DLG2: variants seen among roughly 807,000 people sequenced by gnomAD.
The protein encoded by DLG2 is disks large homolog 2.
In DLG2, 45 loss-of-function variants were observed where a neutral mutation model predicts 132.5. That is an observed-to-expected ratio of 0.34 (90% CI 0.27 to 0.44). DLG2 has a LOEUF of 0.44. Among genes scored for constraint, DLG2 ranks in the 20% least tolerant of loss-of-function variants. The pLI is 1.00. For missense variants in DLG2, 1,045 were observed against 1,196.9 expected, an observed-to-expected ratio of 0.87 and a Z score of 1.87; for synonymous variants, 424 against 419.6, an observed-to-expected ratio of 1.01 and a Z score of -0.13.
intron 7 of DLG2, among the ~76,000 whole-genome samples, chr11:84,468,074 A>T (rs1371910244): frequency 6.6e-6 from 1 of 151,622 alleles, no homozygotes; most frequent in Non-Finnish European, 1.5e-5. Flanking sequence ...TTATAATGGA[A>T]TTAAACATGA....
intron 3 of DLG2, among the ~76,000 whole-genome samples, chr11:85,593,009 GGAAA>G (rs2079473281): frequency 6.8e-6 from 1 of 147,164 alleles, no homozygotes; most frequent in Non-Finnish European, 1.5e-5. Context: ...AAGGACGGAA[GGAAA>G]GAAAGGAGGG....
intron 6 of DLG2, among the ~76,000 whole-genome samples, chr11:84,861,901 T>C (rs953029352): frequency 4.0e-5 from 6 of 151,500 alleles, no homozygotes; most frequent in African/African-American, 7.3e-5. Flanking sequence ...ATGGATGAAA[T>C]TGGAAATCAT....
chr11:84,145,461 G>C (rs983606326), intron 9 of DLG2, among the ~76,000 whole-genome samples: 2 of 152,120 alleles, frequency 1.3e-5, no homozygotes, highest in Non-Finnish European at 2.9e-5. Context: ...TCCAAACATA[G>C]AAAAGTTACA....
intron 3 of DLG2, among the ~76,000 whole-genome samples, chr11:85,584,279 C>T (rs1387146664): frequency 6.6e-6 from 1 of 152,024 alleles, no homozygotes; most frequent in Non-Finnish European, 1.5e-5. Flanking sequence ...GTCTCCAACC[C>T]CATCCAGGTT....
intron 11 of DLG2, among the ~76,000 whole-genome samples, chr11:84,013,894 C>T (rs745816257): frequency 1.9e-4 from 28 of 150,822 alleles, no homozygotes; most frequent in Non-Finnish European, 2.8e-4. Context: ...AAAAAAAGCT[C>T]CCCTACTTCA....
chr11:84,780,468 CA>C (rs1227477167), intron 6 of DLG2, among the ~76,000 whole-genome samples: 4 of 152,150 alleles, frequency 2.6e-5, no homozygotes, highest in African/African-American at 9.6e-5. Context: ...AGAACTGGAA[CA>C]AAGATATATT....
chr11:84,144,532 C>A (rs1211444145), intron 9 of DLG2, among the ~76,000 whole-genome samples: 1 of 152,086 alleles, frequency 6.6e-6, no homozygotes, highest in Admixed American at 6.6e-5. Flanking sequence ...TAAAAACCCA[C>A]CCTTGCAATT....
rs9888248 is a variant in DLG2, at chr11:83,694,390, C to A, written c.1826-61065G>T. ...AGGGAAGAACAAAGGCCATTGTCCCCGGCCCTGGAGACTAGCCTGCCTGAA... is the reference window on the plus strand; with the variant it reads ...AGGGAAGAACAAAGGCCATTGTCCCAGGCCCTGGAGACTAGCCTGCCTGAA... On this transcript the variant is annotated intron_variant, in intron 18 of 27. Transcript: ENST00000376104. Among the ~76,000 whole-genome samples the A allele has an allele frequency of 1.9e-3, 293 of 152,078 alleles. 1 individual carries two copies. Among genetic ancestry groups the A allele is most frequent in the African/African-American group, 6.9e-3 (285 of 41,544 alleles).
intron 18 of DLG2, among the ~76,000 whole-genome samples, chr11:83,668,160 G>C (rs988639497): frequency 6.6e-6 from 1 of 151,714 alleles, no homozygotes; most frequent in Non-Finnish European, 1.5e-5. Context: ...GGAAGCAATG[G>C]CTATGTCTGG....
chr11:85,164,017 G>C lies in DLG2; in HGVS notation c.187-9366C>G, dbSNP rs1002403833. ...AGCTTATTTAGCATTCTGAGCTACAGAAAGAAATAAGGGCTTGGGGTTTCT... is the reference window on the plus strand; with the variant it reads ...AGCTTATTTAGCATTCTGAGCTACACAAAGAAATAAGGGCTTGGGGTTTCT... On this transcript the variant is annotated intron_variant, in intron 4 of 27. Coordinates refer to ENST00000376104, the MANE Select transcript of DLG2 (RefSeq NM_001142699.3). Among the ~76,000 whole-genome samples the C allele has an allele frequency of 3.3e-5, 5 of 152,128 alleles. No individual in the cohort carries two copies. In the South Asian group the frequency reaches 1.0e-3, roughly 32 times the overall value.
chr11:84,082,118 CTT>C (rs903810522), intron 10 of DLG2, among the ~76,000 whole-genome samples: 20 of 152,256 alleles, frequency 1.3e-4, no homozygotes, highest in African/African-American at 4.8e-4. Context: ...GCATAAATGT[CTT>C]GAACTTTCAT....
chr11:84,006,139 T>C (rs180702012), intron 11 of DLG2, among the ~76,000 whole-genome samples: 18 of 151,974 alleles, frequency 1.2e-4, no homozygotes, highest in East Asian at 3.9e-4. Flanking sequence ...CAGAATATTA[T>C]TTGGCTGTAG....
At chr11:85,479,593 A>T (rs984820255) in intron 3 of DLG2, among the ~76,000 whole-genome samples, 11 of 152,244 alleles carry the variant, frequency 7.2e-5, no homozygotes, top group Middle Eastern at 3.2e-3. Flanking sequence ...TTTTGAAATG[A>T]TGCTCAACCT....
chr11:85,302,638 T>G (rs1420819098), intron 3 of DLG2, among the ~76,000 whole-genome samples: 1 of 145,512 alleles, frequency 6.9e-6, no homozygotes, highest in African/African-American at 2.6e-5. Context: ...TACTCTCACT[T>G]GAAAAGTTAA....
chr11:85,215,961 G>C (rs1473521561), intron 4 of DLG2, among the ~76,000 whole-genome samples: 3 of 151,056 alleles, frequency 2.0e-5, no homozygotes, highest in Non-Finnish European at 4.4e-5. Flanking sequence ...CTAAATTCTA[G>C]TGAAGAAGGA....
At chr11:85,129,477 C>T (rs963470951) in intron 5 of DLG2, among the ~76,000 whole-genome samples, 3 of 152,258 alleles carry the variant, frequency 2.0e-5, no homozygotes, top group African/African-American at 7.2e-5. Context: ...AAATGATTCT[C>T]CATCACCATT....
intron 7 of DLG2, among the ~76,000 whole-genome samples, chr11:84,265,424 A>T (rs915116609): frequency 2.0e-5 from 3 of 152,178 alleles, no homozygotes; most frequent in Non-Finnish European, 2.9e-5. Context: ...TTTACCCAAG[A>T]TAGCAAATGG....
intron 3 of DLG2, chr11:85,469,514 A>G (rs1295405006): frequency 1.3e-5 from 2 of 152,144 alleles, no homozygotes; most frequent in Non-Finnish European, 2.9e-5. Flanking sequence ...GGAAACACCA[A>G]ACTACTCTGG....
intron 6 of DLG2, among the ~76,000 whole-genome samples, chr11:84,802,299 T>C (rs1246323135): frequency 6.6e-6 from 1 of 151,892 alleles, no homozygotes; most frequent in Admixed American, 6.6e-5. Context: ...ATTCCAAAGA[T>C]AATGTAATAA....
Sources: allele counts gnomAD v4.1 joint callset (sites outside exome capture counted in the v4.1 genomes callset), GRCh38; gene constraint gnomAD v4.1.1; transcripts MANE v1.5; gene names NCBI Gene and HGNC (gene_info 2026-07-23, HGNC 2026-07-21).